The following GALNT9 variants were observed in gnomAD, a reference collection of about 807,000 sequenced individuals.
GALNT9 encodes GalNAc transferase 9.
In GALNT9, 47 loss-of-function variants were observed where a neutral mutation model predicts 63.1. The ratio of observed to expected loss-of-function variants is 0.75; its 90% CI spans 0.59 to 0.95. The LOEUF is 0.95. Ranked by LOEUF, GALNT9 falls within the 40% of genes least tolerant of loss-of-function variation. GALNT9 has a pLI of 0.00. For synonymous variants in GALNT9, 396 were observed against 365.7 expected (o/e 1.08, Z -0.94); for missense variants, 829 against 874.8 (o/e 0.95, Z 0.66).
intron 1 of GALNT9, among the ~76,000 whole-genome samples, chr12:132,288,722 G>C (rs988250142): frequency 6.6e-6 from 1 of 151,438 alleles, no homozygotes; most frequent in Non-Finnish European, 1.5e-5. Context: ...CGTTCTGGAC[G>C]GCTGCCCGAT....
intron 6 of GALNT9, among the ~76,000 whole-genome samples, chr12:132,209,446 A>T (rs1041908123): frequency 2.0e-5 from 3 of 152,054 alleles, no homozygotes; most frequent in African/African-American, 7.2e-5. Flanking sequence ...GCTACTTGGG[A>T]GGCTGAGGCA....
At chr12:132,298,854 A>C (rs1471217528) in intron 1 of GALNT9, among the ~76,000 whole-genome samples, 103 of 113,282 alleles carry the variant, frequency 9.1e-4, no homozygotes, top group Middle Eastern at 0.015. Flanking sequence ...CCACACCTAA[A>C]CCATCCCTGA....
At chr12:132,213,702 C>T (rs958420326) in intron 6 of GALNT9, among the ~76,000 whole-genome samples, 1 of 152,238 alleles carries the variant, frequency 6.6e-6, no homozygotes, top group Admixed American at 6.5e-5. Context: ...GGTCAGCCCT[C>T]ATGTCCGAGG....
chr12:132,317,966 C>T (rs1868599531), intron 1 of GALNT9, among the ~76,000 whole-genome samples: 1 of 152,342 alleles, frequency 6.6e-6, no homozygotes, highest in Admixed American at 6.5e-5. Flanking sequence ...CACTGATGGG[C>T]ACACTGGCTC....
At position 132,196,775 on chromosome 12, in the gene GALNT9, G is replaced by A; in HGVS notation, c.*332C>T. 9.2e-7 allele frequency: 1 copy of A among 1,087,674 alleles called. No individual in the cohort carries two copies. 67.4% of individuals were successfully genotyped at this position (1,087,674 alleles called of 1,614,324 possible). A position where few individuals can be genotyped will look rare whatever the true frequency, so the allele number is the denominator to read the frequency against. ...TGGTCCGGGGCTTGGCCTCCCTATG[G>A]GGCGTGGGGGGCTGTGGTACATGCA... On this transcript the variant is annotated 3_prime_UTR_variant, in exon 11 of 11. Coordinates refer to ENST00000328957, the MANE Select transcript of GALNT9 (RefSeq NM_001122636.2).
At position 132,203,486 on chromosome 12, in the gene GALNT9, C is replaced by G. The variant is rs201212951; in HGVS notation, c.1263+19G>C. 2.2e-5 allele frequency: 35 copies of G among 1,612,068 alleles called. No individual in the cohort carries two copies. Among genetic ancestry groups the G allele is most frequent in the South Asian group, 5.5e-5 (5 of 90,906 alleles). On this transcript the variant is annotated intron_variant, in intron 7 of 10. Transcript: ENST00000328957. ...GACCCTGGGGCATGGCCCCGGCTCC[C>G]GGCCTGTGGGGGACTCACCGACATG...
intron 6 of GALNT9, among the ~76,000 whole-genome samples, chr12:132,216,175 A>G (rs1425266072): frequency 6.6e-6 from 1 of 152,218 alleles, no homozygotes; most frequent in East Asian, 1.9e-4. Context: ...GGCATGAGAT[A>G]GAGACATAAG....
At chr12:132,290,933 C>G (rs1232162114) in intron 1 of GALNT9, among the ~76,000 whole-genome samples, 3 of 50,708 alleles carry the variant, frequency 5.9e-5, no homozygotes, top group African/African-American at 1.1e-4. Flanking sequence ...AGAGCACCCA[C>G]GTCCACACCA....
At position 132,296,494 on chromosome 12, in the gene GALNT9, C is replaced by T. The variant is rs1881081445; in HGVS notation, c.239-10064G>A. Among the ~76,000 whole-genome samples, 2 of 152,226 alleles carry T rather than the reference C, an allele frequency of 1.3e-5. No homozygotes were observed. Among genetic ancestry groups the T allele is most frequent in the African/African-American group, 2.4e-5 (1 of 41,466 alleles). On this transcript the variant is annotated intron_variant, in intron 1 of 10. Transcript: ENST00000328957. This position sits in a 1 kb window ranked among gnomAD's most constrained non-coding sequence, Gnocchi z 4.2. ...AGCTTCCTCCTCCAGACAGAATCAA[C>T]ACTGCAAGCTTGTCATCTTATCCTT...
chr12:132,302,839 C>A (rs1297807495), intron 1 of GALNT9, among the ~76,000 whole-genome samples: 4 of 152,166 alleles, frequency 2.6e-5, no homozygotes, highest in African/African-American at 9.7e-5. Context: ...GCTTTCTGTG[C>A]CGCTGGGATC....
chr12:132,220,114 C>A (rs994703754), intron 6 of GALNT9, among the ~76,000 whole-genome samples: 1 of 152,218 alleles, frequency 6.6e-6, no homozygotes, highest in South Asian at 2.1e-4. Context: ...GACAAGGCAG[C>A]TGGACGTGGT....
At chr12:132,268,522 T>G (rs1555240441) in intron 2 of GALNT9, among the ~76,000 whole-genome samples, 1 of 151,960 alleles carries the variant, frequency 6.6e-6, no homozygotes, top group African/African-American at 2.4e-5. Flanking sequence ...AAAAGCATGA[T>G]CCAAAACAAA....
At chr12:132,217,329 C>T (rs1877246807) in intron 6 of GALNT9, among the ~76,000 whole-genome samples, 1 of 150,782 alleles carries the variant, frequency 6.6e-6, no homozygotes, top group Admixed American at 6.6e-5. Flanking sequence ...ACCCATCCAT[C>T]CACCCACTCA....
rs1446205260 is a variant in GALNT9 at position 132,315,611 on chromosome 12, C to T, written c.238+13355G>A. ...CTGCCGTGGGATGTGGGCGAGGTTG[C>T]GCCGCGGCTGCTGATCTGAGAAGGT... On this transcript the variant is annotated intron_variant, in intron 1 of 10. Transcript: ENST00000328957. The surrounding 1 kb of genome is among the most constrained non-coding windows in gnomAD (Gnocchi z 6.1). Among the ~76,000 whole-genome samples the T allele has an allele frequency of 1.3e-5, 2 of 152,136 alleles. No individual in the cohort carries two copies. The highest frequency in any genetic ancestry group is 2.4e-5 in the African/African-American group (1 of 41,422).
chr12:132,211,391 G>T (rs757264107), intron 6 of GALNT9, among the ~76,000 whole-genome samples: 17 of 152,162 alleles, frequency 1.1e-4, no homozygotes, highest in Non-Finnish European at 2.2e-4. Context: ...TAGTTATAAT[G>T]ATTTAAAGTT....
In GALNT9 at chr12:132,282,111, A is replaced by G. The variant is rs55649038; in HGVS notation, c.419+4139T>C. On this transcript the variant is annotated intron_variant, in intron 2 of 10. Coordinates refer to ENST00000328957, the MANE Select transcript of GALNT9 (RefSeq NM_001122636.2). This position sits in a 1 kb window ranked among gnomAD's most constrained non-coding sequence, Gnocchi z 4.5. ...CCACAGAGGAGGAATCAGCTCCACT[A>G]CAGCAAGGCCAGGCCTGGGGGTCCC... 4.8e-5 allele frequency among the ~76,000 whole-genome samples: 6 copies of G among 124,344 alleles called. No individual in the cohort carries two copies. The highest frequency in any genetic ancestry group is 1.5e-4 in the African/African-American group (5 of 32,538). The allele number at this position is 124,344 out of a possible 152,430, so 81.6% of individuals were successfully genotyped here. A position where few individuals can be genotyped will look rare whatever the true frequency, so the allele number is the denominator to read the frequency against.
Position 132,197,859 on chromosome 12 carries a change from CG to C in GALNT9, c.1597del (p.Arg533AlafsTer5), listed in dbSNP as rs1875641921. The C allele has an allele frequency of 6.2e-7, 1 of 1,607,730 alleles. No homozygotes were observed. Among genetic ancestry groups the C allele is most frequent in the African/African-American group, 1.3e-5 (1 of 74,888 alleles). ...SKCLVDDGTG[R>X]MPTLKKCEDV... ...CTCACACTTCTTCAGGGTGGGCATG[CG>C]GCCCGTGCCGTCATCCACCAGACAC... On this transcript the variant is annotated frameshift_variant, in exon 10 of 11. Coordinates refer to ENST00000328957, the MANE Select transcript of GALNT9 (RefSeq NM_001122636.2). LOFTEE classifies it high-confidence loss of function.
rs1212664262 is a variant in GALNT9 at position 132,257,798 on chromosome 12, C to T, written c.850G>A (p.Val284Met). The change falls in exon 5 of 11, where the codon GTG becomes ATG. Residue 284 changes from valine to methionine, a missense_variant. By Grantham distance (21) the Val-to-Met change is conservative (BLOSUM62 1). Transcript: ENST00000328957. ...IDNIKYSTFEVQQYANAAHGY... is the reference protein window; with the variant it reads ...IDNIKYSTFEMQQYANAAHGY... ...TGGGCGGCGTTCGCATACTGCTGCA[C>T]CTCAAACGTGCTGTACTTGATGTTG... 2 of 1,550,324 alleles carry T rather than the reference C, an allele frequency of 1.3e-6. No individual in the cohort carries two copies. Among genetic ancestry groups the T allele is most frequent in the East Asian group, 2.4e-5 (1 of 40,928 alleles).
intron 6 of GALNT9, among the ~76,000 whole-genome samples, chr12:132,216,974 C>T (rs994525567): frequency 3.3e-5 from 5 of 152,200 alleles, no homozygotes; most frequent in African/African-American, 1.2e-4. Flanking sequence ...ATCCACTAAA[C>T]TGTTATAAAA....
Sources: allele counts gnomAD v4.1 joint callset (sites outside exome capture counted in the v4.1 genomes callset), GRCh38; gene constraint gnomAD v4.1.1; non-coding constraint Gnocchi (gnomAD v3.1); transcripts MANE v1.5; gene names NCBI Gene and HGNC (gene_info 2026-07-23, HGNC 2026-07-21).